The following SF1 variants were observed in gnomAD, a reference collection of about 807,000 sequenced individuals.
SF1 encodes the protein splicing factor 1.
Under a neutral mutation model 62.5 loss-of-function variants are expected in SF1, and 7 were observed. The ratio of observed to expected loss-of-function variants is 0.11; its 90% CI spans 0.06 to 0.21. SF1 has a LOEUF of 0.21. Among genes scored for constraint, SF1 ranks in the 10% least tolerant of loss-of-function variants. SF1 has a pLI of 1.00. For synonymous variants in SF1, 394 were observed against 323.6 expected (o/e 1.22, Z -2.33); for missense variants, 578 against 884.0 (o/e 0.65, Z 4.39).
rs769850081 is a variant in SF1 at position 64,769,365 on chromosome 11, G to C, written c.664-27C>G. 1.4e-5 allele frequency: 22 copies of C among 1,613,726 alleles called. No individual in the cohort carries two copies. In the South Asian group the frequency reaches 2.0e-4, roughly 14 times the overall value. On this transcript the variant is annotated intron_variant, in intron 6 of 12. Transcript: ENST00000377390. ...TAGTGAAAATGCAATGGACAGTTAAGTGCTTAGGGCCTCCACCTAGGTTTC... is the reference window on the plus strand; with the variant it reads ...TAGTGAAAATGCAATGGACAGTTAACTGCTTAGGGCCTCCACCTAGGTTTC...
rs372347086 is a variant in SF1 at position 64,770,215 on chromosome 11, G to A, written c.389+41C>T. On this transcript the variant is annotated intron_variant, in intron 4 of 12. Transcript: ENST00000377390. ...CATCCCAGCAGGTCACCCATGATCTGCATGTGTCTTCATCCCAGATGACCG... is the reference window on the plus strand; with the variant it reads ...CATCCCAGCAGGTCACCCATGATCTACATGTGTCTTCATCCCAGATGACCG... 16 of 1,603,760 alleles carry A rather than the reference G, an allele frequency of 1.0e-5. No individual in the cohort carries two copies. In the Admixed American group the frequency reaches 2.7e-4, roughly 27 times the overall value.
chr11:64,766,230 G>T, intron 12 of SF1, 75 bp from the exon 13 acceptor site: 1 of 1,096,392 alleles, frequency 9.1e-7, no homozygotes, highest in Non-Finnish European at 1.3e-6. Context: ...GCCTTGGGAT[G>T]GGGGCGAGGG....
At position 64,766,996 on chromosome 11, in the gene SF1, G is replaced by A. The variant is rs749314127; in HGVS notation, c.1486C>T (p.Pro496Ser). 1 of 1,512,266 alleles carries A rather than the reference G, an allele frequency of 6.6e-7. No individual in the cohort carries two copies. Among genetic ancestry groups the A allele is most frequent in the Non-Finnish European group, 8.9e-7 (1 of 1,124,100 alleles). 93.7% of individuals were successfully genotyped at this position (1,512,266 alleles called of 1,614,324 possible). A position where few individuals can be genotyped will look rare whatever the true frequency, so the allele number is the denominator to read the frequency against. ...SGQPPPPPSG[P>S]LPPWQQQQQQ... ...TGCTGTTGTTGCCATGGGGGAAGAGGACCAGAGGGAGGGGGTGGGGGCTGC... is the reference window on the plus strand; with the variant it reads ...TGCTGTTGTTGCCATGGGGGAAGAGAACCAGAGGGAGGGGGTGGGGGCTGC... Residue 496 changes from proline (P) to serine (S), a missense_variant, in exon 12 of 13, where the codon CCT becomes TCT. Coordinates refer to ENST00000377390, the MANE Select transcript of SF1 (RefSeq NM_004630.4).
At chr11:64,771,642 T>A in intron 3 of SF1, 2 of 985,396 alleles carry the variant, frequency 2.0e-6, no homozygotes, top group Non-Finnish European at 2.4e-6. Context: ...CTAGCATTTG[T>A]ATAAACTGTT....
At position 64,765,718 on chromosome 11, in the gene SF1, T is replaced by C. The variant is rs868655405; in HGVS notation, c.*100A>G. 10 of 1,462,798 alleles carry C rather than the reference T, an allele frequency of 6.8e-6. No individual in the cohort carries two copies. Among genetic ancestry groups the C allele is most frequent in the African/African-American group, 2.9e-5 (2 of 69,966 alleles). 90.6% of individuals were successfully genotyped at this position (1,462,798 alleles called of 1,614,324 possible). A position where few individuals can be genotyped will look rare whatever the true frequency, so the allele number is the denominator to read the frequency against. ...ACACATGCGTGCACACACAATCACA[T>C]GCGTGCGTCCCAATGTCTGGCTCCA... On this transcript the variant is annotated 3_prime_UTR_variant, in exon 13 of 13. Coordinates refer to ENST00000377390, the MANE Select transcript of SF1 (RefSeq NM_004630.4).
intron 3 of SF1, among the ~76,000 whole-genome samples, chr11:64,771,224 G>C (rs1157817319): frequency 6.6e-6 from 1 of 152,088 alleles, no homozygotes; most frequent in South Asian, 2.1e-4. Flanking sequence ...ATTTTTTTAA[G>C]GAGTAAAATG....
chr11:64,766,942 T>G lies in SF1; in HGVS notation c.1540A>C (p.Ser514Arg). 2 of 1,435,374 alleles carry G rather than the reference T, an allele frequency of 1.4e-6. No homozygotes were observed. The allele number at this position is 1,435,374 out of a possible 1,614,324, so 88.9% of individuals were successfully genotyped here. A position where few individuals can be genotyped will look rare whatever the true frequency, so the allele number is the denominator to read the frequency against. Residue 514 changes from serine (S) to arginine (R), a missense_variant, in exon 12 of 13, where the codon AGC becomes CGC. Transcript: ENST00000377390. ...QQQPPPPPPPSSSMASSTPLP... is the reference protein window; with the variant it reads ...QQQPPPPPPPRSSMASSTPLP... ...GGGGTACTGGAAGCCATACTGCTGC[T>G]GGGCGGAGGGGGTGGCGGAGGCTGC...
chr11:64,772,339 C>T lies in SF1; in HGVS notation c.236+1091G>A, dbSNP rs191828249. Reference sequence around the variant, plus strand: ...ATGTAAATTTAAAAAAAAAAAAAATCTTCAAAAAGAAACGAAACACAACAC... The same window carrying T: ...ATGTAAATTTAAAAAAAAAAAAAATTTTCAAAAAGAAACGAAACACAACAC... On this transcript the variant is annotated intron_variant, in intron 3 of 12. Transcript: ENST00000377390. 4.0e-3 allele frequency: 3,878 copies of T among 968,478 alleles called. 12 individuals carry two copies. The highest frequency in any genetic ancestry group is 4.6e-3 in the Non-Finnish European group (3,742 of 814,826). 60.0% of individuals were successfully genotyped at this position (968,478 alleles called of 1,614,324 possible).
Position 64,765,312 on chromosome 11 carries a change from C to T in SF1, c.*506G>A. 3.1e-6 allele frequency: 2 copies of T among 653,574 alleles called. No individual in the cohort carries two copies. The highest frequency in any genetic ancestry group is 2.7e-5 in the East Asian group (1 of 36,748). 40.5% of individuals were successfully genotyped at this position (653,574 alleles called of 1,614,324 possible). ...AAGAAAGGAAAAGATAAAGAAGTAA[C>T]AAAGGAAAAAGAAAAAAATTAATAA... On this transcript the variant is annotated 3_prime_UTR_variant, in exon 13 of 13. Transcript: ENST00000377390.
At chr11:64,777,283 G>A (rs557100331) in intron 1 of SF1, among the ~76,000 whole-genome samples, 3 of 152,220 alleles carry the variant, frequency 2.0e-5, no homozygotes, top group South Asian at 2.1e-4. Context: ...CCCGTACATA[G>A]GCAGAAACTC....
Position 64,776,599 on chromosome 11 carries a change from C to A in SF1, c.59G>T (p.Ser20Ile). ...LDFPSKKRKR[S>I]RWNQDTMEQK... is the part of the protein sequence containing the mutation. Reference sequence around the variant, plus strand: ...TTCCATTGTGTCTTGGTTCCAGCGGCTCCTCTTCCGCTTCTTACTTGGGAA... The same window carrying A: ...TTCCATTGTGTCTTGGTTCCAGCGGATCCTCTTCCGCTTCTTACTTGGGAA... The change falls in exon 2 of 13, where the codon AGC becomes ATC. Residue 20 changes from serine (S) to isoleucine (I), a missense_variant. Around this residue, in one of 7 missense-constraint regions of SF1, gnomAD observed 37 missense variants for 34.6 expected, o/e 1.07. Coordinates refer to ENST00000377390, the MANE Select transcript of SF1 (RefSeq NM_004630.4). 6.3e-7 allele frequency: 1 copy of A among 1,596,340 alleles called. No homozygotes were observed. The highest frequency in any genetic ancestry group is 1.4e-5 in the African/African-American group (1 of 73,822).
At chr11:64,772,270 A>G in intron 3 of SF1, 1 of 985,214 alleles carries the variant, frequency 1.0e-6, no homozygotes, top group Non-Finnish European at 1.2e-6. Flanking sequence ...ATTAAAGGGA[A>G]AAAGGCCAAA....
At position 64,773,456 on chromosome 11, in the gene SF1, C is replaced by G. The variant is rs770444474; in HGVS notation, c.210G>C (p.Leu70=). ...DLTRKLRTGD[L]GIPPNPEDRS... is the part of the protein sequence containing the mutation. ...TGTCCTCAGGGTTAGGGGGGATGCC[C>G]AGGTCTCCTGTGCGCAGTTTACGAG... Residue 70 remains leucine (L), a synonymous_variant, in exon 3 of 13, where the codon CTG becomes CTC. Coordinates refer to ENST00000377390, the MANE Select transcript of SF1 (RefSeq NM_004630.4). The G allele has an allele frequency of 1.2e-6, 2 of 1,613,600 alleles. No individual in the cohort carries two copies. Among genetic ancestry groups the G allele is most frequent in the Admixed American group, 3.3e-5 (2 of 59,880 alleles).
chr11:64,778,397 C>A lies in SF1; in HGVS notation c.-5G>T, dbSNP rs1172462963. On this transcript the variant is annotated 5_prime_UTR_variant, in exon 1 of 13. Transcript: ENST00000377390. ...GGCGTTCGCTCCGGTCGCCATGGCG[C>A]CCCCGGGGACAGGCACCGGCACCTG... 3.3e-6 allele frequency: 4 copies of A among 1,227,212 alleles called. No homozygotes were observed. The highest frequency in any genetic ancestry group is 4.1e-6 in the Non-Finnish European group (4 of 983,986). 76.0% of individuals were successfully genotyped at this position (1,227,212 alleles called of 1,614,324 possible).
chr11:64,775,792 T>TA (rs1304037727), intron 2 of SF1, among the ~76,000 whole-genome samples: 1 of 152,208 alleles, frequency 6.6e-6, no homozygotes, highest in Non-Finnish European at 1.5e-5. Flanking sequence ...CCACTGTGGA[T>TA]AGTCATTAAT....
At chr11:64,766,796 G>A (rs1166230081) in intron 12 of SF1, 104 bp downstream of exon 12, 15 of 937,838 alleles carry the variant, frequency 1.6e-5, no homozygotes, top group Non-Finnish European at 2.3e-5. Context: ...GCAGAGCCCA[G>A]GGGCTCATCC....
chr11:64,774,427 A>C (rs1938820750), intron 2 of SF1, among the ~76,000 whole-genome samples: 1 of 152,242 alleles, frequency 6.6e-6, no homozygotes, highest in Non-Finnish European at 1.5e-5. Flanking sequence ...GCAGAGCCAG[A>C]GCAGCTTTCT....
Position 64,776,564 on chromosome 11 carries a change from C to A in SF1, c.94G>T (p.Val32Leu). The A allele has an allele frequency of 6.3e-7, 1 of 1,584,912 alleles. No homozygotes were observed. The highest frequency in any genetic ancestry group is 8.6e-7 in the Non-Finnish European group (1 of 1,169,372). ...ATAACTGTAGGCATTCCTGGAATCA[C>A]TGTCTTCTGTTCCATTGTGTCTTGG... is the stretch of plus-strand genomic sequence containing the variant. ...WNQDTMEQKT[V>L]IPGMPTVIPP... The change falls in exon 2 of 13, where the codon GTG (valine) becomes TTG (leucine). Residue 32 changes from valine to leucine, a missense_variant. Val to Leu is a conservative substitution (Grantham distance 32). This residue lies in a region of SF1 where 68 missense variants were observed against 170.7 expected (regional missense o/e 0.40). Transcript: ENST00000377390.
chr11:64,766,855 A>ACCCGCCCCCCCCC, intron 12 of SF1, 45 bp downstream of exon 12: 2 of 528,762 alleles, frequency 3.8e-6, no homozygotes, highest in Non-Finnish European at 6.8e-6. Context: ...TGTCAGCCCC[A>ACCCGCCCCCCCCC]CCCCCATCCC....
Sources: allele counts gnomAD v4.1 joint callset (sites outside exome capture counted in the v4.1 genomes callset), GRCh38; gene constraint gnomAD v4.1.1; regional missense constraint gnomAD v4.1.1; transcripts MANE v1.5; gene names NCBI Gene and HGNC (gene_info 2026-07-23, HGNC 2026-07-21).